RPS6KC1: variants seen among roughly 807,000 people sequenced by gnomAD.
The protein encoded by RPS6KC1 is inactive ribosomal protein S6 kinase delta-1.
RPS6KC1 carries 54 observed loss-of-function variants against 103.8 expected under a neutral mutation model. The ratio of observed to expected loss-of-function variants is 0.52; its 90% CI spans 0.42 to 0.65. RPS6KC1 has a LOEUF of 0.65. Ranked by LOEUF, RPS6KC1 falls within the 30% of genes least tolerant of loss-of-function variation. The pLI, the probability that RPS6KC1 is intolerant of heterozygous loss-of-function variation, is 0.00. For synonymous variants in RPS6KC1, 439 were observed against 438.7 expected (o/e 1.00, Z -0.01); for missense variants, 1,151 against 1,253.8 (o/e 0.92, Z 1.24).
At chr1:213,382,433 T>G in the RPS6KC1 span, among the ~76,000 whole-genome samples, 1 of 152,170 alleles carries the variant, frequency 6.6e-6, no homozygotes, top group Non-Finnish European at 1.5e-5. Context: ...TCTGTTGAGT[T>G]TGGTCTTTTC....
At chr1:213,856,465 T>C in the RPS6KC1 span, among the ~76,000 whole-genome samples, 42,393 of 145,814 alleles carry the variant, frequency 0.29, 6,929 homozygotes, top group East Asian at 0.49. Flanking sequence ...CCTTCCTTCC[T>C]TCCCTCCCTC....
chr1:213,763,865 A>T, the RPS6KC1 span, among the ~76,000 whole-genome samples: 17 of 152,332 alleles, frequency 1.1e-4, no homozygotes, highest in African/African-American at 3.6e-4. Flanking sequence ...GCATCCCAAC[A>T]GTTTAAGCCC....
chr1:213,578,574 G>C, the RPS6KC1 span, among the ~76,000 whole-genome samples: 27 of 152,336 alleles, frequency 1.8e-4, no homozygotes, highest in African/African-American at 6.5e-4. Context: ...AGGTTCATCA[G>C]TGTAACCTGG....
chr1:213,125,412 T>C (rs76620404), intron 5 of RPS6KC1, among the ~76,000 whole-genome samples: 1 of 152,104 alleles, frequency 6.6e-6, no homozygotes, highest in Non-Finnish European at 1.5e-5. Flanking sequence ...TTACTAATTT[T>C]TGTGATGGAC....
intron 3 of RPS6KC1, among the ~76,000 whole-genome samples, chr1:213,089,697 G>A (rs1255427535): frequency 2.0e-5 from 3 of 151,976 alleles, no homozygotes; most frequent in Non-Finnish European, 4.4e-5. Flanking sequence ...CCTGACCTCA[G>A]GTGATCCACC....
chr1:213,727,291 T>G, the RPS6KC1 span, among the ~76,000 whole-genome samples: 35 of 152,280 alleles, frequency 2.3e-4, no homozygotes, highest in African/African-American at 8.4e-4. Flanking sequence ...AACTCACAGG[T>G]CATCATATCC....
At chr1:213,067,877 G>A (rs899159790) in intron 1 of RPS6KC1, among the ~76,000 whole-genome samples, 1 of 152,196 alleles carries the variant, frequency 6.6e-6, no homozygotes, top group South Asian at 2.1e-4. Flanking sequence ...CAGTACACAT[G>A]TATTTGATTT....
chr1:213,141,323 A>C (rs976043365), intron 6 of RPS6KC1, among the ~76,000 whole-genome samples: 4 of 152,010 alleles, frequency 2.6e-5, no homozygotes, highest in Non-Finnish European at 4.4e-5. Flanking sequence ...TCAGATACTC[A>C]GTTTCTTCCT....
the RPS6KC1 span, among the ~76,000 whole-genome samples, chr1:213,652,604 G>T: frequency 1.3e-5 from 2 of 152,174 alleles, no homozygotes; most frequent in Non-Finnish European, 2.9e-5. Flanking sequence ...GAATTCCAAG[G>T]CTAGGCCTTA....
At chr1:213,817,021 G>T in the RPS6KC1 span, among the ~76,000 whole-genome samples, 3 of 152,204 alleles carry the variant, frequency 2.0e-5, no homozygotes, top group Admixed American at 6.5e-5. Flanking sequence ...AATAGAAAGA[G>T]ATGTTACCCT....
chr1:213,216,095 G>C (rs893940740), intron 8 of RPS6KC1, among the ~76,000 whole-genome samples: 24 of 152,288 alleles, frequency 1.6e-4, no homozygotes, highest in African/African-American at 5.8e-4. Flanking sequence ...ATTGGATAAA[G>C]AGTCAAGACC....
At chr1:213,216,545 C>T in intron 8 of RPS6KC1, among the ~76,000 whole-genome samples, 1 of 152,168 alleles carries the variant, frequency 6.6e-6, no homozygotes, top group East Asian at 1.9e-4. Context: ...CAGAACTCTC[C>T]ACCCCAAATC....
chr1:213,190,392 T>C (rs2092704900), intron 8 of RPS6KC1, among the ~76,000 whole-genome samples: 1 of 152,246 alleles, frequency 6.6e-6, no homozygotes, highest in African/African-American at 2.4e-5. Flanking sequence ...TTTGCATTTC[T>C]CTGATGATCA....
chr1:213,441,730 C>T, the RPS6KC1 span, among the ~76,000 whole-genome samples: 1 of 152,102 alleles, frequency 6.6e-6, no homozygotes. Flanking sequence ...TCAAAGGGAA[C>T]CAAATCTCAC....
the RPS6KC1 span, among the ~76,000 whole-genome samples, chr1:213,656,403 C>A: frequency 6.6e-6 from 1 of 152,134 alleles, no homozygotes; most frequent in South Asian, 2.1e-4. Flanking sequence ...ATGAAAAGAA[C>A]AAAAGAGAAG....
intron 8 of RPS6KC1, among the ~76,000 whole-genome samples, chr1:213,181,487 G>GA (rs2092266886): frequency 6.6e-6 from 1 of 152,308 alleles, no homozygotes; most frequent in African/African-American, 2.4e-5. Context: ...ATATAATTGA[G>GA]AAAATGTGTG....
chr1:213,751,970 A>C, the RPS6KC1 span, among the ~76,000 whole-genome samples: 1 of 152,220 alleles, frequency 6.6e-6, no homozygotes, highest in Non-Finnish European at 1.5e-5. Flanking sequence ...AGAGATAGGG[A>C]ACATTATTTA....
At chr1:213,578,440 G>A in the RPS6KC1 span, among the ~76,000 whole-genome samples, 2 of 152,210 alleles carry the variant, frequency 1.3e-5, no homozygotes, top group African/African-American at 2.4e-5. Context: ...AGAATGGTGG[G>A]TCCACTGACA....
intron 6 of RPS6KC1, among the ~76,000 whole-genome samples, chr1:213,165,712 C>T (rs952726887): frequency 5.9e-5 from 9 of 152,142 alleles, no homozygotes; most frequent in Admixed American, 1.3e-4. Context: ...CGTGAGCCAC[C>T]GCGCCCGGCC....
Sources: gnomAD v4.1 joint callset for allele counts (sites outside exome capture counted in the v4.1 genomes callset) on GRCh38, gnomAD v4.1.1 for gene constraint, MANE v1.5 for transcripts, NCBI Gene and HGNC (gene_info 2026-07-23, HGNC 2026-07-21) for gene names.